MCC: variants seen among roughly 807,000 people sequenced by gnomAD.
The protein encoded by MCC is colorectal mutant cancer protein.
In MCC, 90 loss-of-function variants were observed where a neutral mutation model predicts 116.2. The ratio of observed to expected loss-of-function variants is 0.77; its 90% CI spans 0.65 to 0.92. The LOEUF (loss-of-function observed/expected upper bound fraction) is 0.92, where lower values mean the gene tolerates loss of function less well. Ranked by LOEUF, MCC falls within the 40% of genes least tolerant of loss-of-function variation. The pLI is 0.00. For missense variants in MCC, 1,516 were observed against 1,312.2 expected, an observed-to-expected ratio of 1.16 and a Z score of -2.40; for synonymous variants, 578 against 510.5, an observed-to-expected ratio of 1.13 and a Z score of -1.78.
At chr5:113,132,942 G>T (rs192588293) in intron 5 of MCC, among the ~76,000 whole-genome samples, 187 of 152,220 alleles carry the variant, frequency 1.2e-3, no homozygotes, top group African/African-American at 4.3e-3. Flanking sequence ...CTCTGATGGA[G>T]AACTCCCTAA....
rs527400921 is a variant in MCC, at chr5:113,160,937, A to G, written c.628-9515T>C. ...CACCTAACTTTGCTGCTTAAAGACT[A>G]CAGAAAAGGAAAGGTTATTACCTTC... On this transcript the variant is annotated intron_variant, in intron 3 of 18. Transcript: ENST00000408903. Among the ~76,000 whole-genome samples, 11 of 152,320 alleles carry G rather than the reference A, an allele frequency of 7.2e-5. No homozygotes were observed. In the East Asian group the frequency reaches 2.1e-3, roughly 29 times the overall value.
At chr5:113,456,593 A>G (rs1296586576) in intron 1 of MCC, among the ~76,000 whole-genome samples, 3 of 141,406 alleles carry the variant, frequency 2.1e-5, no homozygotes, top group African/African-American at 5.4e-5. Context: ...AATAGCTGGG[A>G]CTACAGTCAC....
At position 113,480,062 on chromosome 5, in the gene MCC, A is replaced by G. The variant is rs532042165; in HGVS notation, c.170+8183T>C. The stretch of plus-strand genomic sequence containing the variant: ...CAAGTGACTCTTTCAACCCTTTAAA[A>G]GTTAGATGACTTTTCTCTCTTGCCT... On this transcript the variant is annotated intron_variant, in intron 1 of 18. Transcript: ENST00000408903. Among the ~76,000 whole-genome samples, 7 of 152,298 alleles carry G rather than the reference A, an allele frequency of 4.6e-5. No homozygotes were observed. In the East Asian group the frequency reaches 1.3e-3, roughly 29 times the overall value.
At chr5:113,279,347 G>A (rs13190054) in intron 3 of MCC, among the ~76,000 whole-genome samples, 90,546 of 152,004 alleles carry the variant, frequency 0.6, 29,968 homozygotes, top group African/African-American at 0.9. Context: ...TTACAGTGTC[G>A]TATTGTGAAT....
intron 2 of MCC, among the ~76,000 whole-genome samples, chr5:113,348,574 G>C (rs1768188364): frequency 6.6e-6 from 1 of 151,884 alleles, no homozygotes; most frequent in South Asian, 2.1e-4. Flanking sequence ...GCAGTACTGA[G>C]GGAAGTTTAT....
chr5:113,048,689 T>C, intron 16 of MCC: 1 of 327,066 alleles, frequency 3.1e-6, no homozygotes. Context: ...GTATTACCTG[T>C]GGTTTCAGGC....
intron 13 of MCC, among the ~76,000 whole-genome samples, chr5:113,066,396 T>A (rs1329331006): frequency 1.3e-5 from 2 of 152,142 alleles, no homozygotes; most frequent in East Asian, 3.9e-4. Flanking sequence ...GAAATAAAGT[T>A]TTATGGTTCA....
At chr5:113,111,014 G>A (rs1228006150) in intron 6 of MCC, among the ~76,000 whole-genome samples, 2 of 152,100 alleles carry the variant, frequency 1.3e-5, no homozygotes, top group African/African-American at 4.8e-5. Context: ...CAAGTCCATG[G>A]CTCCTCCTGC....
intron 1 of MCC, among the ~76,000 whole-genome samples, chr5:113,388,048 G>A (rs1769312286): frequency 6.6e-6 from 1 of 152,140 alleles, no homozygotes; most frequent in African/African-American, 2.4e-5. Context: ...TGGGCACCCT[G>A]GTGAGAAACT....
At chr5:113,233,437 C>CT (rs755451200) in intron 3 of MCC, among the ~76,000 whole-genome samples, 3 of 152,220 alleles carry the variant, frequency 2.0e-5, no homozygotes, top group Non-Finnish European at 4.4e-5. Context: ...GGTATTCATA[C>CT]TACCTGCTCC....
At chr5:113,190,039 C>G (rs916002004) in intron 3 of MCC, among the ~76,000 whole-genome samples, 1 of 152,194 alleles carries the variant, frequency 6.6e-6, no homozygotes, top group Non-Finnish European at 1.5e-5. Flanking sequence ...AGCCTAGCCA[C>G]CTGCAGCCCA....
chr5:113,329,007 C>T (rs759554230), intron 3 of MCC, among the ~76,000 whole-genome samples: 1 of 152,148 alleles, frequency 6.6e-6, no homozygotes, highest in Non-Finnish European at 1.5e-5. Context: ...GCTGTGGAGT[C>T]AAACAAACCT....
intron 3 of MCC, among the ~76,000 whole-genome samples, chr5:113,162,948 C>T (rs1760572646): frequency 2.0e-5 from 3 of 152,202 alleles, no homozygotes; most frequent in Admixed American, 6.5e-5. Flanking sequence ...AATGATTCAA[C>T]ACATTGGAGC....
At position 113,025,556 on chromosome 5, in the gene MCC, C is replaced by A. The variant is rs1750481622; in HGVS notation, c.*1746G>T. The A allele has an allele frequency of 7.3e-6, 1 of 137,264 alleles. No individual in the cohort carries two copies. Among genetic ancestry groups the A allele is most frequent in the Admixed American group, 8.1e-5 (1 of 12,312 alleles). 8.5% of individuals were successfully genotyped at this position (137,264 alleles called of 1,614,324 possible). On this transcript the variant is annotated 3_prime_UTR_variant, in exon 19 of 19. Coordinates refer to ENST00000408903, the MANE Select transcript of MCC (RefSeq NM_001085377.2). Reference sequence around the variant, plus strand: ...GTTGCAGTGAGCCAAGATCACGCCACTGCACTTCAGCCTGGTGACGAGCAA... The same window carrying A: ...GTTGCAGTGAGCCAAGATCACGCCAATGCACTTCAGCCTGGTGACGAGCAA...
chr5:113,048,851 T>A, intron 16 of MCC: 1 of 584,816 alleles, frequency 1.7e-6, no homozygotes, highest in East Asian at 2.8e-5. Context: ...ACCCCTCTGA[T>A]GTGACTGTGA....
chr5:113,385,165 A>C lies in MCC; in HGVS notation c.218T>G (p.Val73Gly). 1 of 1,614,214 alleles carries C rather than the reference A, an allele frequency of 6.2e-7. No homozygotes were observed. Residue 73 changes from valine to glycine, a missense_variant, in exon 2 of 19, where the codon GTG becomes GGG. Physicochemically the swap from Val to Gly is moderately radical, Grantham distance 109 (BLOSUM62 -3). Transcript: ENST00000408903. ...TCCCAACTGGTTCATGATCTCAGCC[A>C]CAGACTCTTCCATATTCAGCTGGCG... The part of the protein sequence containing the change: ...VCRQLNMEES[V>G]AEIMNQLGAD...
chr5:113,153,651 G>C (rs548749434), intron 3 of MCC, among the ~76,000 whole-genome samples: 3 of 152,342 alleles, frequency 2.0e-5, no homozygotes, highest in East Asian at 3.9e-4. Context: ...GCAGAGATGA[G>C]TTTGGGATGC....
intron 3 of MCC, among the ~76,000 whole-genome samples, chr5:113,315,502 G>A (rs183941768): frequency 1.3e-5 from 2 of 152,098 alleles, no homozygotes; most frequent in East Asian, 1.9e-4. Context: ...ATAGAAAGTC[G>A]TTTGAATTAT....
rs144539993 is a variant in MCC, at chr5:113,193,535, C to T, written c.628-42113G>A. ...ACACTTTTGTCATTTCTCCCACTAA[C>T]GTTAAGCCTAGGAATTCTCTCCGTA... On this transcript the variant is annotated intron_variant, in intron 3 of 18. Transcript: ENST00000408903. Among the ~76,000 whole-genome samples the T allele has an allele frequency of 1.9e-3, 293 of 152,290 alleles. 1 individual carries two copies. Among genetic ancestry groups the T allele is most frequent in the Middle Eastern group, 0.01 (3 of 294 alleles).
Sources: allele counts gnomAD v4.1 joint callset (sites outside exome capture counted in the v4.1 genomes callset), GRCh38; gene constraint gnomAD v4.1.1; transcripts MANE v1.5; gene names NCBI Gene and HGNC (gene_info 2026-07-23, HGNC 2026-07-21).